Variants in CDH12 observed in about 807,000 individuals in gnomAD.
CDH12 encodes the protein cadherin-12.
CDH12 carries 41 observed loss-of-function variants against 74.1 expected under a neutral mutation model. The observed-to-expected ratio is 0.55, with a 90% CI of 0.43 to 0.72. CDH12 has a LOEUF of 0.72. Ranked by LOEUF, CDH12 falls within the 30% of genes least tolerant of loss-of-function variation. The pLI is 0.00. For missense variants in CDH12, 945 were observed against 977.2 expected, an observed-to-expected ratio of 0.97 and a Z score of 0.44; for synonymous variants, 399 against 355.0, an observed-to-expected ratio of 1.12 and a Z score of -1.39.
chr5:21,795,840 C>G (rs1007683627), intron 10 of CDH12, among the ~76,000 whole-genome samples: 1 of 151,954 alleles, frequency 6.6e-6, no homozygotes, highest in African/African-American at 2.4e-5. Flanking sequence ...AAAGGACCTT[C>G]AAATGCAAAC....
At chr5:21,901,462 A>G (rs1393919481) in intron 6 of CDH12, among the ~76,000 whole-genome samples, 1 of 152,122 alleles carries the variant, frequency 6.6e-6, no homozygotes, top group East Asian at 1.9e-4. Flanking sequence ...TTTTTTCAAA[A>G]ACTTGTTGGA....
At chr5:22,196,511 A>G (rs1331564097) in intron 4 of CDH12, among the ~76,000 whole-genome samples, 1 of 152,106 alleles carries the variant, frequency 6.6e-6, no homozygotes, top group East Asian at 1.9e-4. Flanking sequence ...CATGCACTCC[A>G]TTCCAGGTGA....
At chr5:22,732,456 GTATA>G (rs746288133) in intron 1 of CDH12, among the ~76,000 whole-genome samples, 1,334 of 105,872 alleles carry the variant, frequency 0.013, 10 homozygotes, top group African/African-American at 0.017. Context: ...GAATGTGTGT[GTATA>G]TATATATATA....
At chr5:21,810,524 T>C (rs149552143) in intron 9 of CDH12, among the ~76,000 whole-genome samples, 377 of 152,204 alleles carry the variant, frequency 2.5e-3, no homozygotes, top group Non-Finnish European at 4.0e-3. Context: ...AGGCAGACTT[T>C]TGTTGGGAGC....
At chr5:22,097,326 G>A (rs980793358) in intron 4 of CDH12, among the ~76,000 whole-genome samples, 11 of 152,110 alleles carry the variant, frequency 7.2e-5, no homozygotes, top group African/African-American at 2.7e-4. Context: ...GACTGACACT[G>A]CCCGATCGCC....
At chr5:22,395,295 G>T (rs1028493672) in intron 3 of CDH12, among the ~76,000 whole-genome samples, 2 of 152,046 alleles carry the variant, frequency 1.3e-5, no homozygotes, top group African/African-American at 2.4e-5. Flanking sequence ...GGAAGCCAAG[G>T]GTTGTCAATG....
intron 2 of CDH12, among the ~76,000 whole-genome samples, chr5:22,457,793 G>A (rs563047673): frequency 8.1e-4 from 123 of 152,098 alleles, no homozygotes; most frequent in African/African-American, 2.9e-3. Context: ...CACCCAGGCT[G>A]GAGTGCAGTG....
At chr5:22,710,861 G>T (rs269030) in intron 1 of CDH12, among the ~76,000 whole-genome samples, 1 of 151,864 alleles carries the variant, frequency 6.6e-6, no homozygotes, top group African/African-American at 2.4e-5. Context: ...AAATAGATTC[G>T]TGATGACCTT....
intron 4 of CDH12, among the ~76,000 whole-genome samples, chr5:22,178,006 C>A (rs1580362407): frequency 6.6e-6 from 1 of 152,060 alleles, no homozygotes; most frequent in African/African-American, 2.4e-5. Flanking sequence ...GTGAAAGAAA[C>A]AGAAAGTAAC....
intron 1 of CDH12, among the ~76,000 whole-genome samples, chr5:22,630,851 A>T (rs995335680): frequency 6.6e-6 from 1 of 152,178 alleles, no homozygotes; most frequent in African/African-American, 2.4e-5. Flanking sequence ...TAAACAGACA[A>T]CCTATAGAAT....
intron 8 of CDH12, among the ~76,000 whole-genome samples, chr5:21,837,746 G>A (rs1053585454): frequency 6.6e-6 from 1 of 152,098 alleles, no homozygotes; most frequent in African/African-American, 2.4e-5. Context: ...CAAAATGACA[G>A]TGTAGTAAAA....
At chr5:22,235,672 T>G (rs2150377721) in intron 3 of CDH12, among the ~76,000 whole-genome samples, 1 of 152,298 alleles carries the variant, frequency 6.6e-6, no homozygotes, top group South Asian at 2.1e-4. Context: ...ATTTTGATAT[T>G]ATCTTTCTTA....
chr5:22,692,558 G>T (rs1049182616), intron 1 of CDH12, among the ~76,000 whole-genome samples: 10 of 152,118 alleles, frequency 6.6e-5, no homozygotes, highest in Admixed American at 6.6e-4. Flanking sequence ...TCCTGTAGAA[G>T]GATTTTAAAG....
chr5:21,792,786 T>C (rs888138163), intron 10 of CDH12, among the ~76,000 whole-genome samples: 2 of 151,720 alleles, frequency 1.3e-5, no homozygotes, highest in African/African-American at 4.8e-5. Context: ...GCTTTACACC[T>C]GTCCTTTAGT....
At chr5:22,450,877 C>CTTTTT (rs545463039) in intron 2 of CDH12, among the ~76,000 whole-genome samples, 1 of 129,286 alleles carries the variant, frequency 7.7e-6, no homozygotes, top group Admixed American at 8.0e-5. Flanking sequence ...TAATAAGCCA[C>CTTTTT]TTTTTTTTTT....
rs1744943751 is a variant in CDH12 at position 22,740,104 on chromosome 5, T to C, written c.-523+112954A>G. On this transcript the variant is annotated intron_variant, in intron 1 of 14. Coordinates refer to ENST00000382254, the MANE Select transcript of CDH12 (RefSeq NM_004061.5). ...TCTTACATAATTGAATTTAATATTATTTTCAGTTTCTTGTAAGAGAAAAAG... is the reference window on the plus strand; with the variant it reads ...TCTTACATAATTGAATTTAATATTACTTTCAGTTTCTTGTAAGAGAAAAAG... Among the ~76,000 whole-genome samples the C allele has an allele frequency of 1.3e-5, 2 of 152,126 alleles. 1 individual carries two copies. The highest frequency in any genetic ancestry group is 4.1e-4 in the South Asian group (2 of 4,834).
At chr5:21,989,572 C>G (rs1757662207) in intron 5 of CDH12, among the ~76,000 whole-genome samples, 1 of 152,232 alleles carries the variant, frequency 6.6e-6, no homozygotes, top group South Asian at 2.1e-4. Flanking sequence ...CTGTACCCCC[C>G]ATTGCCTCTC....
intron 5 of CDH12, among the ~76,000 whole-genome samples, chr5:21,988,569 T>TTTCA (rs1170930632): frequency 6.6e-6 from 1 of 150,600 alleles, no homozygotes; most frequent in African/African-American, 2.4e-5. Flanking sequence ...AATTCCTAAT[T>TTTCA]TTCAGGGTAT....
At chr5:22,283,002 A>G (rs1736956479) in intron 3 of CDH12, among the ~76,000 whole-genome samples, 1 of 151,994 alleles carries the variant, frequency 6.6e-6, no homozygotes, top group Non-Finnish European at 1.5e-5. Context: ...CTGCCCATCA[A>G]CGATAGACTG....
Sources: gnomAD v4.1 joint callset for allele counts (sites outside exome capture counted in the v4.1 genomes callset) on GRCh38, gnomAD v4.1.1 for gene constraint, MANE v1.5 for transcripts, NCBI Gene and HGNC (gene_info 2026-07-23, HGNC 2026-07-21) for gene names.